The following LOC122539214 variants were observed in gnomAD, a reference collection of about 807,000 sequenced individuals.
At chr19:52,667,045 G>C in the LOC122539214 span, among the ~76,000 whole-genome samples, 1 of 152,092 alleles carries the variant, frequency 6.6e-6, no homozygotes, top group African/African-American at 2.4e-5. Flanking sequence ...GACTGAACAA[G>C]GTCTTATTAA....
chr19:52,661,377 C>T, the LOC122539214 span, among the ~76,000 whole-genome samples: 4 of 152,232 alleles, frequency 2.6e-5, no homozygotes, highest in South Asian at 4.1e-4. Flanking sequence ...TGAAGCAGGG[C>T]ACAGACCTTC....
At chr19:52,670,781 A>G in the LOC122539214 span, among the ~76,000 whole-genome samples, 4 of 152,312 alleles carry the variant, frequency 2.6e-5, no homozygotes, top group Non-Finnish European at 4.4e-5. Context: ...TTTGTTCAGA[A>G]AGGTGGGACA....
At chr19:52,655,354 T>A in the LOC122539214 span, 1 of 494,570 alleles carries the variant, frequency 2.0e-6, no homozygotes, top group South Asian at 2.6e-5. Context: ...AAAGTGTTCA[T>A]GAATGTTCTG....
chr19:52,683,228 CTGTGTGTGTGTGTG>C, the LOC122539214 span, among the ~76,000 whole-genome samples: 4,091 of 127,984 alleles, frequency 0.032, 65 homozygotes, highest in South Asian at 0.075. Context: ...CCCTGTGACT[CTGTGTGTGTGTGTG>C]TGTGTGTGTG....
the LOC122539214 span, among the ~76,000 whole-genome samples, chr19:52,678,151 A>G: frequency 6.6e-6 from 1 of 152,074 alleles, no homozygotes; most frequent in Non-Finnish European, 1.5e-5. Flanking sequence ...AAATGGTTGC[A>G]TATGAAAATT....
the LOC122539214 span, chr19:52,650,461 G>A: frequency 6.6e-6 from 1 of 152,014 alleles, no homozygotes; most frequent in Non-Finnish European, 1.5e-5. Flanking sequence ...TTCTCCATGT[G>A]GGTCAGGCTG....
the LOC122539214 span, among the ~76,000 whole-genome samples, chr19:52,670,171 C>A: frequency 6.6e-6 from 1 of 152,062 alleles, no homozygotes; most frequent in Non-Finnish European, 1.5e-5. Flanking sequence ...ATTCCAATCA[C>A]CTGCTCCACC....
the LOC122539214 span, among the ~76,000 whole-genome samples, chr19:52,678,072 C>A: frequency 0.04 from 6,023 of 151,436 alleles, 370 homozygotes; most frequent in African/African-American, 0.13. Context: ...AAAACAGACC[C>A]AGATGGAGAT....
chr19:52,663,972 C>T, the LOC122539214 span, among the ~76,000 whole-genome samples: 28 of 152,176 alleles, frequency 1.8e-4, no homozygotes, highest in Non-Finnish European at 3.7e-4. Context: ...CTGCAACCTC[C>T]ACCTCCCGGA....
the LOC122539214 span, among the ~76,000 whole-genome samples, chr19:52,661,588 G>A: frequency 3.3e-5 from 5 of 152,194 alleles, no homozygotes; most frequent in African/African-American, 9.6e-5. Context: ...TGATAGAATA[G>A]CATAAAAGAT....
the LOC122539214 span, among the ~76,000 whole-genome samples, chr19:52,681,303 C>CAAAAAAAAAAAAAAAAA: frequency 2.7e-4 from 21 of 78,302 alleles, no homozygotes; most frequent in Non-Finnish European, 2.3e-4. Context: ...AAAAAAAAAG[C>CAAAAAAAAAAAAAAAAA]AAACGAACAT....
chr19:52,653,484 T>A, the LOC122539214 span, among the ~76,000 whole-genome samples: 1 of 151,996 alleles, frequency 6.6e-6, no homozygotes, highest in African/African-American at 2.4e-5. Context: ...TACATTTGTA[T>A]GGTTTCTCTC....
At chr19:52,664,181 C>A in the LOC122539214 span, among the ~76,000 whole-genome samples, 1 of 101,014 alleles carries the variant, frequency 9.9e-6, no homozygotes, top group African/African-American at 3.7e-5. Flanking sequence ...CTGCACCAGG[C>A]CTATTTTTTT....
the LOC122539214 span, among the ~76,000 whole-genome samples, chr19:52,659,077 G>A: frequency 6.6e-6 from 1 of 152,034 alleles, no homozygotes; most frequent in Non-Finnish European, 1.5e-5. Context: ...TCTGGGCCAG[G>A]GTCCGTGGGC....
chr19:52,652,439 A>G, the LOC122539214 span: 4 of 391,610 alleles, frequency 1.0e-5, no homozygotes, highest in African/African-American at 8.5e-5. Context: ...CATCTGAAAA[A>G]AGAAAAAAAA....
Sources: gnomAD v4.1 joint callset for allele counts (sites outside exome capture counted in the v4.1 genomes callset) on GRCh38, gnomAD v4.1.1 for gene constraint, MANE v1.5 for transcripts.